ZNF510: variants seen among roughly 807,000 people sequenced by gnomAD.
ZNF510 encodes the protein zinc finger protein 510.
ZNF510 carries 15 observed loss-of-function variants against 18.1 expected under a neutral mutation model. That is an observed-to-expected ratio of 0.83 (90% CI 0.55 to 1.28). The LOEUF is 1.28. ZNF510 is among the 50% of genes most tolerant of loss of function. The pLI is 0.00. For missense variants in ZNF510, 724 were observed against 791.8 expected (o/e 0.91, Z 1.03); for synonymous variants, 261 against 266.4 (o/e 0.98, Z 0.20).
At chr9:96,774,767 A>C (rs1469686380) in intron 3 of ZNF510, 21 bp downstream of exon 3, 1 of 1,601,302 alleles carries the variant, frequency 6.2e-7, no homozygotes, top group African/African-American at 1.3e-5. Flanking sequence ...ATGATGAAAA[A>C]GGTATTAGTA....
intron 3 of ZNF510, among the ~76,000 whole-genome samples, chr9:96,764,504 T>C (rs1056459114): frequency 2.6e-5 from 4 of 152,226 alleles, no homozygotes; most frequent in African/African-American, 9.6e-5. Context: ...CCCAATCATG[T>C]TGCATTGTTT....
chr9:96,776,308 AT>A, intron 1 of ZNF510, 63 bp from the exon 2 acceptor site: 1 of 605,374 alleles, frequency 1.7e-6, no homozygotes, highest in Non-Finnish European at 2.6e-6. Context: ...TAACAAATTT[AT>A]TTTAGTTGAA....
Position 96,756,343 on chromosome 9 carries a change from C to G in ZNF510, c.*2435G>C, listed in dbSNP as rs1052047115. The G allele has an allele frequency of 6.6e-6, 1 of 152,096 alleles. No homozygotes were observed. The highest frequency in any genetic ancestry group is 2.4e-5 in the African/African-American group (1 of 41,406). The allele number at this position is 152,096 out of a possible 1,614,324, so 9.4% of individuals were successfully genotyped here. On this transcript the variant is annotated 3_prime_UTR_variant, in exon 6 of 6. Coordinates refer to ENST00000223428, the MANE Select transcript of ZNF510 (RefSeq NM_014930.3). ...CACTGAGTTTGAACACACACAGGAT[C>G]CTAGTAGTTTCAGTTGGCGAAAGCA...
rs779998525 is a variant in ZNF510, at chr9:96,759,410, T to C, written c.1420A>G (p.Thr474Ala). 4.3e-6 allele frequency: 7 copies of C among 1,613,972 alleles called. No individual in the cohort carries two copies. The highest frequency in any genetic ancestry group is 4.0e-5 in the African/African-American group (3 of 74,938). ...TGAATTCTTTGATGTCCCCTGAGGG[T>C]TGACTTCTGGACAAATGTTTTTCCA... The part of the protein sequence containing the change: ...ECGKTFVQKS[T>A]LRGHQRIHTG... The change falls in exon 6 of 6, where the codon ACC (threonine) becomes GCC (alanine). Residue 474 changes from threonine (T) to alanine (A), a missense_variant. Coordinates refer to ENST00000223428, the MANE Select transcript of ZNF510 (RefSeq NM_014930.3).
chr9:96,773,945 C>T (rs1334832019), intron 3 of ZNF510, among the ~76,000 whole-genome samples: 2 of 152,180 alleles, frequency 1.3e-5, no homozygotes, highest in Non-Finnish European at 2.9e-5. Flanking sequence ...TTCTGGTCTC[C>T]AGAATGGTGG....
At position 96,760,051 on chromosome 9, in the gene ZNF510, C is replaced by CCAATTTTATTACATTCA; in HGVS notation, c.762_778dup (p.Gly260ValfsTer80). On this transcript the variant is annotated frameshift_variant, in exon 6 of 6. Transcript: ENST00000223428. LOFTEE classifies it low-confidence loss of function (END_TRUNC). The stretch of plus-strand genomic sequence containing the variant: ...GTTAGCCTTATCATTAAAGGCTTTT[C>CCAATTTTATTACATTCA]CAATTTTATTACATTCAAAAGCTTG... 1 of 1,611,724 alleles carries CCAATTTTATTACATTCA rather than the reference C, an allele frequency of 6.2e-7. No homozygotes were observed. Among genetic ancestry groups the CCAATTTTATTACATTCA allele is most frequent in the Non-Finnish European group, 8.5e-7 (1 of 1,179,178 alleles).
chr9:96,773,136 A>G (rs182486811), intron 3 of ZNF510, among the ~76,000 whole-genome samples: 1 of 152,360 alleles, frequency 6.6e-6, no homozygotes, highest in Admixed American at 6.5e-5. Flanking sequence ...AAATGAATTT[A>G]TCTTTTTTCC....
At chr9:96,775,013 ATCT>A (rs78416215) in intron 2 of ZNF510, among the ~76,000 whole-genome samples, 167 bp from the exon 3 acceptor site, 6,836 of 151,928 alleles carry the variant, frequency 0.045, 379 homozygotes, top group African/African-American at 0.12. Context: ...GAATATGTGC[ATCT>A]TTAATATGAT....
chr9:96,763,055 C>T, intron 5 of ZNF510, 63 bp downstream of exon 5: 1 of 1,420,890 alleles, frequency 7.0e-7, no homozygotes, highest in Non-Finnish European at 1.0e-6. Context: ...GTGTTCACCC[C>T]TAAAGTGACC....
chr9:96,764,787 T>C (rs935518879), intron 3 of ZNF510, among the ~76,000 whole-genome samples: 2 of 152,254 alleles, frequency 1.3e-5, no homozygotes, highest in Middle Eastern at 3.4e-3. Flanking sequence ...TACTATCATA[T>C]ACAGTAGACT....
chr9:96,760,399 T>C lies in ZNF510; in HGVS notation c.431A>G (p.Asn144Ser). 1.9e-6 allele frequency: 3 copies of C among 1,613,670 alleles called. No individual in the cohort carries two copies. Among genetic ancestry groups the C allele is most frequent in the Admixed American group, 1.7e-5 (1 of 60,000 alleles). ...DKHLEQAICINNKTLTTEEEK... is the reference protein window; with the variant it reads ...DKHLEQAICISNKTLTTEEEK... Reference sequence around the variant, plus strand: ...TTCCTCTGTAGTCAATGTTTTATTATTGATACATATTGCTTGCTCCAAGTG... The same window carrying C: ...TTCCTCTGTAGTCAATGTTTTATTACTGATACATATTGCTTGCTCCAAGTG... Residue 144 changes from asparagine to serine, a missense_variant, in exon 6 of 6, where the codon AAT becomes AGT. By Grantham distance (46) the Asn-to-Ser change is conservative. Transcript: ENST00000223428.
chr9:96,760,296 T>C lies in ZNF510; in HGVS notation c.534A>G (p.Ser178=). 1 of 1,613,552 alleles carries C rather than the reference T, an allele frequency of 6.2e-7. No individual in the cohort carries two copies. The highest frequency in any genetic ancestry group is 8.5e-7 in the Non-Finnish European group (1 of 1,179,566). The part of the protein sequence containing the change: ...ASTKMSCKCN[S]WEVNLQSISE... ...AAATACTTTGCAAATTCACTTCCCA[T>C]GAGTTGCATTTGCAGGACATTTTTG... The change falls in exon 6 of 6, where the codon TCA becomes TCG. Residue 178 remains serine, a synonymous_variant. Coordinates refer to ENST00000223428, the MANE Select transcript of ZNF510 (RefSeq NM_014930.3).
Position 96,756,635 on chromosome 9 carries a change from AG to A in ZNF510, c.*2142del, listed in dbSNP as rs2117883575. On this transcript the variant is annotated 3_prime_UTR_variant, in exon 6 of 6. Coordinates refer to ENST00000223428, the MANE Select transcript of ZNF510 (RefSeq NM_014930.3). ...CGACAAACTCCTAAAGTGGAATTTT[AG>A]GTCAGAACCCTCTACCCAAGGAAGA... is the stretch of plus-strand genomic sequence containing the variant. 1 of 152,308 alleles carries A rather than the reference AG, an allele frequency of 6.6e-6. No homozygotes were observed. The highest frequency in any genetic ancestry group is 6.5e-5 in the Admixed American group (1 of 15,300). The allele number at this position is 152,308 out of a possible 1,614,324, so 9.4% of individuals were successfully genotyped here.
intron 3 of ZNF510, among the ~76,000 whole-genome samples, chr9:96,767,489 A>G (rs1242725418): frequency 6.6e-6 from 1 of 152,242 alleles, no homozygotes; most frequent in African/African-American, 2.4e-5. Context: ...TATATTAAAA[A>G]TGATCCCAAA....
At chr9:96,777,352 G>C (rs1031381137) in intron 1 of ZNF510, among the ~76,000 whole-genome samples, 1 of 152,156 alleles carries the variant, frequency 6.6e-6, no homozygotes, top group Non-Finnish European at 1.5e-5. Flanking sequence ...CTGATTCGGG[G>C]AGTAAAGTGT....
chr9:96,777,209 C>T (rs566559900), intron 1 of ZNF510, among the ~76,000 whole-genome samples: 32 of 152,298 alleles, frequency 2.1e-4, no homozygotes, highest in African/African-American at 7.5e-4. Flanking sequence ...AACCCCACAA[C>T]AAATACACTT....
In ZNF510 at chr9:96,760,302, G is replaced by T. The variant is rs754687628; in HGVS notation, c.528C>A (p.Cys176Ter). ...TTTGCAAATTCACTTCCCATGAGTT[G>T]CATTTGCAGGACATTTTTGTTGAAG... Reference protein sequence around the residue: ...AVASTKMSCKCNSWEVNLQSI... With the variant: ...AVASTKMSCK The change falls in exon 6 of 6, where the codon TGC becomes TGA. Residue 176 changes from cysteine to a stop codon, truncating the protein, a stop_gained. Transcript: ENST00000223428. LOFTEE classifies it low-confidence loss of function (END_TRUNC). 10 of 1,613,746 alleles carry T rather than the reference G, an allele frequency of 6.2e-6. No individual in the cohort carries two copies. Among genetic ancestry groups the T allele is most frequent in the Non-Finnish European group, 8.5e-6 (10 of 1,179,784 alleles).
chr9:96,757,828 T>G lies in ZNF510; in HGVS notation c.*950A>C, dbSNP rs1849232013. ...CTTGCAATTTCAGGCCATTATTTAGTAAAACAAGGGTTACTTGAATACAAG... is the reference window on the plus strand; with the variant it reads ...CTTGCAATTTCAGGCCATTATTTAGGAAAACAAGGGTTACTTGAATACAAG... On this transcript the variant is annotated 3_prime_UTR_variant, in exon 6 of 6. Coordinates refer to ENST00000223428, the MANE Select transcript of ZNF510 (RefSeq NM_014930.3). The G allele has an allele frequency of 1.3e-5, 2 of 152,164 alleles. No homozygotes were observed. The highest frequency in any genetic ancestry group is 2.4e-5 in the African/African-American group (1 of 41,418). The allele number at this position is 152,164 out of a possible 1,614,324, so 9.4% of individuals were successfully genotyped here.
chr9:96,776,186 C>CTCTG lies in ZNF510; in HGVS notation c.-121_-118dup, dbSNP rs1849699669. On this transcript the variant is annotated 5_prime_UTR_variant, in exon 2 of 6. Coordinates refer to ENST00000223428, the MANE Select transcript of ZNF510 (RefSeq NM_014930.3). ...TGTTTGGAAGCCCTGGTGAGGAGGT[C>CTCTG]TCTGTTCTGTCAGAGAGCAGTTCTT... 6.9e-7 allele frequency: 1 copy of CTCTG among 1,459,626 alleles called. No homozygotes were observed. Among genetic ancestry groups the CTCTG allele is most frequent in the South Asian group, 1.5e-5 (1 of 68,296 alleles). 90.4% of individuals were successfully genotyped at this position (1,459,626 alleles called of 1,614,324 possible). A position where few individuals can be genotyped will look rare whatever the true frequency, so the allele number is the denominator to read the frequency against.
Sources: allele counts gnomAD v4.1 joint callset (sites outside exome capture counted in the v4.1 genomes callset), GRCh38; gene constraint gnomAD v4.1.1; transcripts MANE v1.5; gene names NCBI Gene and HGNC (gene_info 2026-07-23, HGNC 2026-07-21).